Variants in ATXN7L1 observed in about 807,000 individuals in gnomAD.
The protein encoded by ATXN7L1 is ataxin 7 like 1.
ATXN7L1 carries 15 observed loss-of-function variants against 70.8 expected under a neutral mutation model. That is an observed-to-expected ratio of 0.21 (90% CI 0.14 to 0.33). The LOEUF is 0.33. ATXN7L1 is among the 10% of genes least tolerant of loss of function. ATXN7L1 has a pLI of 1.00. For missense variants in ATXN7L1, 975 were observed against 1,097.1 expected, an observed-to-expected ratio of 0.89 and a Z score of 1.57; for synonymous variants, 440 against 445.1, an observed-to-expected ratio of 0.99 and a Z score of 0.14.
At chr7:105,868,255 A>G (rs935308441) in intron 2 of ATXN7L1, among the ~76,000 whole-genome samples, 54 of 152,046 alleles carry the variant, frequency 3.6e-4, no homozygotes, top group Admixed American at 3.9e-4. Context: ...GAGTTTCCCT[A>G]TCAGAGCACT....
intron 2 of ATXN7L1, among the ~76,000 whole-genome samples, chr7:105,850,205 C>T (rs971536006): frequency 6.6e-6 from 1 of 152,174 alleles, no homozygotes; most frequent in South Asian, 2.1e-4. Flanking sequence ...AAAGATGTGC[C>T]ACCACGTTTG....
intron 2 of ATXN7L1, among the ~76,000 whole-genome samples, chr7:105,875,446 C>A (rs749853333): frequency 6.6e-6 from 1 of 152,078 alleles, no homozygotes; most frequent in Non-Finnish European, 1.5e-5. Flanking sequence ...TGTGCATTCA[C>A]CCACGAGAAA....
At chr7:105,749,106 A>ACTAAAAAATAC (rs1554449526) in intron 3 of ATXN7L1, among the ~76,000 whole-genome samples, 5 of 152,000 alleles carry the variant, frequency 3.3e-5, no homozygotes, top group Admixed American at 1.3e-4. Context: ...CTTGTTGATG[A>ACTAAAAAATAC]TTTTAGACTG....
At position 105,733,680 on chromosome 7, in the gene ATXN7L1, A is replaced by AT. The variant is rs1191380512; in HGVS notation, c.355+54923_355+54924insA. ...CATCCATCCATCCATCCATCCATCC[A>AT]CCCATCCACCCATCCATCCATTCAT... is the stretch of plus-strand genomic sequence containing the variant. On this transcript the variant is annotated intron_variant, in intron 3 of 11. Transcript: ENST00000419735. Among the ~76,000 whole-genome samples, 161 of 101,036 alleles carry AT rather than the reference A, an allele frequency of 1.6e-3. 25 individuals carry two copies. The highest frequency in any genetic ancestry group is 5.0e-3 in the Middle Eastern group (1 of 202). The allele number at this position is 101,036 out of a possible 152,430, so 66.3% of individuals were successfully genotyped here.
intron 2 of ATXN7L1, among the ~76,000 whole-genome samples, chr7:105,860,449 G>C (rs1461104672): frequency 1.3e-5 from 2 of 152,102 alleles, no homozygotes; most frequent in African/African-American, 4.8e-5. Context: ...GTTTTGCATT[G>C]TAGCTCCAGC....
At chr7:105,770,563 T>G (rs577777762) in intron 3 of ATXN7L1, among the ~76,000 whole-genome samples, 1 of 152,216 alleles carries the variant, frequency 6.6e-6, no homozygotes, top group East Asian at 1.9e-4. Flanking sequence ...ACTATAAGTG[T>G]GTGCTGTGCT....
At chr7:105,723,832 GCTAGCAGGCTTCAAGTGT>G (rs1252884303) in intron 3 of ATXN7L1, among the ~76,000 whole-genome samples, 1 of 152,182 alleles carries the variant, frequency 6.6e-6, no homozygotes, top group Non-Finnish European at 1.5e-5. Flanking sequence ...CAGGGTCAGG[GCTAGCAGGCTTCAAGTGT>G]CCATGCGGCT....
chr7:105,870,195 T>A (rs1359505721), intron 2 of ATXN7L1, among the ~76,000 whole-genome samples: 2 of 150,412 alleles, frequency 1.3e-5, no homozygotes, highest in African/African-American at 4.9e-5. Context: ...GGCAGGAGAA[T>A]CACTTCAACC....
chr7:105,762,163 G>C (rs893439683), intron 3 of ATXN7L1, among the ~76,000 whole-genome samples: 1 of 152,118 alleles, frequency 6.6e-6, no homozygotes, highest in Non-Finnish European at 1.5e-5. Context: ...ATCCTAAGTG[G>C]GATTTTAATA....
At chr7:105,868,712 G>C (rs971038613) in intron 2 of ATXN7L1, among the ~76,000 whole-genome samples, 1 of 152,138 alleles carries the variant, frequency 6.6e-6, no homozygotes, top group African/African-American at 2.4e-5. Flanking sequence ...CACTTGGATA[G>C]CCTTTTGAAT....
chr7:105,762,209 C>T (rs138132428), intron 3 of ATXN7L1, among the ~76,000 whole-genome samples: 2 of 152,356 alleles, frequency 1.3e-5, no homozygotes, highest in African/African-American at 4.8e-5. Context: ...CTGCTTAACA[C>T]TCCCTCCCAA....
At chr7:105,695,282 G>A (rs1791566923) in intron 3 of ATXN7L1, among the ~76,000 whole-genome samples, 1 of 152,154 alleles carries the variant, frequency 6.6e-6, no homozygotes, top group African/African-American at 2.4e-5. Flanking sequence ...GCAAGACTCC[G>A]TCTCAAAATA....
chr7:105,780,062 G>A (rs1803310752), intron 3 of ATXN7L1, among the ~76,000 whole-genome samples: 1 of 152,348 alleles, frequency 6.6e-6, no homozygotes, highest in Admixed American at 6.5e-5. Flanking sequence ...CTGACACTCT[G>A]AGAAGCCCAG....
At chr7:105,669,424 G>A (rs1282740725) in intron 3 of ATXN7L1, among the ~76,000 whole-genome samples, 2 of 152,176 alleles carry the variant, frequency 1.3e-5, no homozygotes, top group Admixed American at 6.6e-5. Flanking sequence ...GTTGCAGTGA[G>A]GGAATATTAA....
intron 2 of ATXN7L1, among the ~76,000 whole-genome samples, chr7:105,865,648 A>G (rs553870204): frequency 1.8e-4 from 28 of 151,982 alleles, no homozygotes; most frequent in Non-Finnish European, 1.0e-4. Flanking sequence ...TGATCTGCCC[A>G]CCTTGGCCTC....
chr7:105,639,163 C>CGCTGCCGCT (rs1252178885), intron 6 of ATXN7L1, among the ~76,000 whole-genome samples: 3 of 152,168 alleles, frequency 2.0e-5, no homozygotes, highest in East Asian at 1.9e-4. Context: ...CCGCCGCCGC[C>CGCTGCCGCT]GCTGCCGCTG....
At chr7:105,852,777 T>A (rs1049590491) in intron 2 of ATXN7L1, among the ~76,000 whole-genome samples, 2 of 151,866 alleles carry the variant, frequency 1.3e-5, no homozygotes, top group African/African-American at 4.8e-5. Context: ...TGGAAACAGG[T>A]ATACCCGCAT....
At chr7:105,830,720 T>C (rs1349905756) in intron 2 of ATXN7L1, among the ~76,000 whole-genome samples, 1 of 152,266 alleles carries the variant, frequency 6.6e-6, no homozygotes, top group Non-Finnish European at 1.5e-5. Context: ...CCAACATTCC[T>C]GCTTCCACTT....
intron 4 of ATXN7L1, among the ~76,000 whole-genome samples, chr7:105,658,285 G>A (rs1196704060): frequency 2.0e-5 from 3 of 151,722 alleles, no homozygotes; most frequent in Non-Finnish European, 4.4e-5. Flanking sequence ...GTCTGGGCAG[G>A]ATTCTGTCCT....
Sources: gnomAD v4.1 joint callset for allele counts (sites outside exome capture counted in the v4.1 genomes callset) on GRCh38, gnomAD v4.1.1 for gene constraint, MANE v1.5 for transcripts, NCBI Gene and HGNC (gene_info 2026-07-23, HGNC 2026-07-21) for gene names.